SYNE1: variants seen among roughly 807,000 people sequenced by gnomAD.
The protein encoded by SYNE1 is spectrin repeat containing nuclear envelope protein 1.
A neutral mutation model predicts 1,111.0 loss-of-function variants in SYNE1; 616 were observed. The observed-to-expected ratio is 0.55, with a 90% CI of 0.52 to 0.59. SYNE1 has a LOEUF of 0.59. Among genes scored for constraint, SYNE1 ranks in the 20% least tolerant of loss-of-function variants. SYNE1 has a pLI of 0.00. For synonymous variants in SYNE1, 3,855 were observed against 3,825.8 expected, an observed-to-expected ratio of 1.01 and a Z score of -0.28; for missense variants, 10,006 against 10,417.0, an observed-to-expected ratio of 0.96 and a Z score of 1.72.
chr6:152,615,067 A>T (rs2099641998), intron 3 of SYNE1, among the ~76,000 whole-genome samples: 1 of 152,202 alleles, frequency 6.6e-6, no homozygotes, highest in Non-Finnish European at 1.5e-5. Flanking sequence ...CTAACATGGC[A>T]CATGTATACC....
chr6:152,499,116 T>C (rs1254555337), intron 10 of SYNE1, among the ~76,000 whole-genome samples: 7 of 152,136 alleles, frequency 4.6e-5, no homozygotes, highest in Non-Finnish European at 7.4e-5. Flanking sequence ...TATGGACTCA[T>C]ATTACTTTCC....
At chr6:152,486,108 T>A (rs983938960) in intron 12 of SYNE1, among the ~76,000 whole-genome samples, 3 of 151,906 alleles carry the variant, frequency 2.0e-5, no homozygotes, top group African/African-American at 2.4e-5. Context: ...GGCAGGAGAA[T>A]CGCTTGAGCC....
In SYNE1 at chr6:152,511,077, G is replaced by A. The variant is rs149008539; in HGVS notation, c.336C>T (p.Thr112=). Residue 112 remains threonine (T), a synonymous_variant, in exon 7 of 146, where the codon ACC becomes ACT. Coordinates refer to ENST00000367255, the MANE Select transcript of SYNE1 (RefSeq NM_182961.4). ...RKIKLVNINS[T]DIADGRPSIV... is the part of the protein sequence containing the mutation. ...TTGAGGGTCGGCCATCAGCTATATC[G>A]GTGGAGTTAATGTTGACTAATTTAA... is the stretch of plus-strand genomic sequence containing the variant. The A allele has an allele frequency of 8.7e-5, 140 of 1,613,746 alleles. No individual in the cohort carries two copies. The highest frequency in any genetic ancestry group is 1.1e-4 in the Non-Finnish European group (125 of 1,179,872).
intron 74 of SYNE1, among the ~76,000 whole-genome samples, chr6:152,341,035 C>G (rs1303367605): frequency 6.6e-6 from 1 of 152,112 alleles, no homozygotes; most frequent in Non-Finnish European, 1.5e-5. Context: ...AATCATGGTG[C>G]CTGATTTTGT....
In SYNE1 at chr6:152,598,387, C is replaced by T. The variant is rs1040534875; in HGVS notation, c.67+29878G>A. ...ACGTGGAACTGTGAGCCCGTTAAACCTCTTTCTTTTGTAAATTGCCCTGTC... is the reference window on the plus strand; with the variant it reads ...ACGTGGAACTGTGAGCCCGTTAAACTTCTTTCTTTTGTAAATTGCCCTGTC... On this transcript the variant is annotated intron_variant, in intron 3 of 145. Coordinates refer to ENST00000367255, the MANE Select transcript of SYNE1 (RefSeq NM_182961.4). 1.2e-4 allele frequency among the ~76,000 whole-genome samples: 18 copies of T among 152,294 alleles called. 3 individuals are homozygous for T. The highest frequency in any genetic ancestry group is 8.5e-4 in the Admixed American group (13 of 15,298).
At position 152,613,879 on chromosome 6, in the gene SYNE1, A is replaced by G. The variant is rs796287414; in HGVS notation, c.67+14386T>C. ...TTGACAAACCTGACAGAAACAAGAA[A>G]TGGGGAAAGGATTTCCTATTTAACA... On this transcript the variant is annotated intron_variant, in intron 3 of 145. Transcript: ENST00000367255. Among the ~76,000 whole-genome samples, 4 of 152,218 alleles carry G rather than the reference A, an allele frequency of 2.6e-5. No homozygotes were observed. The South Asian group carries it at 8.3e-4, about 32-fold the overall frequency.
At chr6:152,577,712 G>A (rs2099503987) in intron 3 of SYNE1, among the ~76,000 whole-genome samples, 1 of 151,800 alleles carries the variant, frequency 6.6e-6, no homozygotes, top group Non-Finnish European at 1.5e-5. Flanking sequence ...GGGAGTTGGA[G>A]TGAAGGTCTA....
chr6:152,260,347 A>G (rs1443440102), intron 101 of SYNE1, among the ~76,000 whole-genome samples: 3 of 152,194 alleles, frequency 2.0e-5, no homozygotes, highest in African/African-American at 2.4e-5. Context: ...AGGACATTTT[A>G]TCAGGGATTT....
intron 21 of SYNE1, among the ~76,000 whole-genome samples, chr6:152,459,600 A>G (rs1047015554): frequency 6.6e-6 from 1 of 152,190 alleles, no homozygotes; most frequent in Non-Finnish European, 1.5e-5. Context: ...CTTGTAAAAC[A>G]TGTTTTAGTT....
Position 152,232,190 on chromosome 6 carries a change from T to C in SYNE1, c.20788A>G (p.Ile6930Val). ...MSWISLMENV[I>V]QKDEDNIKNS... ...TTAATATTATCTTCATCCTTCTGAATAACATTTTCCATTAGAGAAATCCAA... is the reference window on the plus strand; with the variant it reads ...TTAATATTATCTTCATCCTTCTGAACAACATTTTCCATTAGAGAAATCCAA... The change falls in exon 113 of 146, where the codon ATT becomes GTT. Residue 6930 changes from isoleucine (I) to valine (V), a missense_variant. Ile to Val is a conservative substitution (Grantham distance 29). Around this residue, in one of 7 missense-constraint regions of SYNE1, gnomAD observed 2,182 missense variants for 2,287.8 expected, o/e 0.95. Transcript: ENST00000367255. 1 of 1,612,870 alleles carries C rather than the reference T, an allele frequency of 6.2e-7. No individual in the cohort carries two copies. The highest frequency in any genetic ancestry group is 8.5e-7 in the Non-Finnish European group (1 of 1,178,892).
Position 152,242,009 on chromosome 6 carries a change from G to A in SYNE1, c.19893+231C>T, listed in dbSNP as rs140602353. Among the ~76,000 whole-genome samples the A allele has an allele frequency of 9.5e-3, 1,453 of 152,196 alleles. 22 individuals are homozygous for A. The highest frequency in any genetic ancestry group is 0.024 in the Middle Eastern group (7 of 294). ...GATAGGTAAAATTACAGGTAAGTTG[G>A]TTTTCTTTTTTAATTTACAACATTA... On this transcript the variant is annotated intron_variant, in intron 107 of 145. Coordinates refer to ENST00000367255, the MANE Select transcript of SYNE1 (RefSeq NM_182961.4).
At chr6:152,620,066 T>C (rs1297083595) in intron 3 of SYNE1, among the ~76,000 whole-genome samples, 3 of 152,226 alleles carry the variant, frequency 2.0e-5, no homozygotes, top group Non-Finnish European at 4.4e-5. Flanking sequence ...CTGATATTTA[T>C]ATATAAAATG....
intron 129 of SYNE1, among the ~76,000 whole-genome samples, chr6:152,177,707 A>G (rs947978924): frequency 1.3e-5 from 2 of 152,196 alleles, no homozygotes; most frequent in African/African-American, 4.8e-5. Flanking sequence ...CGTTGAATGT[A>G]TTTATTAACA....
intron 3 of SYNE1, among the ~76,000 whole-genome samples, chr6:152,568,793 A>G (rs771126524): frequency 3.9e-5 from 6 of 152,210 alleles, no homozygotes; most frequent in Non-Finnish European, 8.8e-5. Context: ...AATAAAATCA[A>G]TGAGAAAAAT....
At chr6:152,524,535 A>C (rs2154352401) in intron 5 of SYNE1, among the ~76,000 whole-genome samples, 1 of 152,080 alleles carries the variant, frequency 6.6e-6, no homozygotes, top group South Asian at 2.1e-4. Flanking sequence ...TGACTCCCAC[A>C]ACCTAATGCT....
intron 14 of SYNE1, among the ~76,000 whole-genome samples, chr6:152,480,236 C>T (rs780013192): frequency 6.6e-6 from 1 of 152,170 alleles, no homozygotes; most frequent in Non-Finnish European, 1.5e-5. Flanking sequence ...ATAAGTCAAA[C>T]TTGGCCAGGC....
At chr6:152,212,139 T>C (rs899387854) in intron 123 of SYNE1, among the ~76,000 whole-genome samples, 3 of 152,190 alleles carry the variant, frequency 2.0e-5, no homozygotes, top group Admixed American at 6.5e-5. Flanking sequence ...ACAATTCACA[T>C]ACCATACAAT....
chr6:152,349,380 C>A (rs1175169804), intron 72 of SYNE1, among the ~76,000 whole-genome samples: 1 of 152,174 alleles, frequency 6.6e-6, no homozygotes, highest in Non-Finnish European at 1.5e-5. Context: ...GTGATTAGCA[C>A]AACAATTATG....
chr6:152,407,149 C>T lies in SYNE1; in HGVS notation c.6588G>A (p.Leu2196=). The T allele has an allele frequency of 6.2e-7, 1 of 1,614,042 alleles. No individual in the cohort carries two copies. The highest frequency in any genetic ancestry group is 8.5e-7 in the Non-Finnish European group (1 of 1,179,968). ...TTGACAGTACATCATCCCAAATGGA[C>T]AGGCTTACTCTCAGCCTATCCATGT... is the stretch of plus-strand genomic sequence containing the variant. ...EENMDRLRVS[L]SIWDDVLSTR... Residue 2196 remains leucine (L), a synonymous_variant, in exon 45 of 146, where the codon CTG becomes CTA. Coordinates refer to ENST00000367255, the MANE Select transcript of SYNE1 (RefSeq NM_182961.4).
Sources: allele counts gnomAD v4.1 joint callset (sites outside exome capture counted in the v4.1 genomes callset), GRCh38; gene constraint gnomAD v4.1.1; regional missense constraint gnomAD v4.1.1; transcripts MANE v1.5; gene names NCBI Gene and HGNC (gene_info 2026-07-23, HGNC 2026-07-21).